Variants in SYNE2 observed in about 807,000 individuals in gnomAD.
The protein encoded by SYNE2 is nesprin-2.
A neutral mutation model predicts 856.3 loss-of-function variants in SYNE2; 431 were observed. The observed-to-expected ratio is 0.50, with a 90% confidence interval of 0.47 to 0.55. The LOEUF is 0.55. Among genes scored for constraint, SYNE2 ranks in the 20% least tolerant of loss-of-function variants. The pLI is 0.00. For missense variants in SYNE2, 8,129 were observed against 8,023.2 expected (o/e 1.01, Z -0.50); for synonymous variants, 2,923 against 2,872.3 (o/e 1.02, Z -0.56).
At position 63,995,031 on chromosome 14, in the gene SYNE2, A is replaced by AT. The variant is rs750650701; in HGVS notation, c.2782-5dup. On this transcript the variant is annotated splice_polypyrimidine_tract_variant and intron_variant, in intron 22 of 115. Coordinates refer to ENST00000555002, the MANE Select transcript of SYNE2 (RefSeq NM_182914.3). ...TTCTCATGGTTAATATATTCCTTTGATTTTTTTTGTAGTCTCTTCATCATG... is the reference window on the plus strand; with the variant it reads ...TTCTCATGGTTAATATATTCCTTTGATTTTTTTTTGTAGTCTCTTCATCATG... 3.6e-5 allele frequency: 54 copies of AT among 1,481,956 alleles called. No homozygotes were observed. Among genetic ancestry groups the AT allele is most frequent in the Non-Finnish European group, 4.4e-5 (47 of 1,079,524 alleles). 91.8% of individuals were successfully genotyped at this position (1,481,956 alleles called of 1,614,324 possible).
At chr14:63,805,638 G>A (rs1265541921) in intron 1 of SYNE2, among the ~76,000 whole-genome samples, 1 of 89,128 alleles carries the variant, frequency 1.1e-5, no homozygotes, top group African/African-American at 3.4e-5. Flanking sequence ...GCCTTCCAAA[G>A]TGCTGATTAC....
At chr14:64,163,620 A>G in intron 89 of SYNE2, 39 bp downstream of exon 89, 2 of 1,610,880 alleles carry the variant, frequency 1.2e-6, no homozygotes, top group Non-Finnish European at 1.7e-6. Context: ...AGTCTTAGAC[A>G]TTTGCATTCC....
chr14:63,854,002 A>G (rs1891106110), intron 1 of SYNE2, among the ~76,000 whole-genome samples: 1 of 152,034 alleles, frequency 6.6e-6, no homozygotes, highest in South Asian at 2.1e-4. Flanking sequence ...CCTGTGTAGC[A>G]TTCGCGTTTG....
Position 64,220,515 on chromosome 14 carries a change from G to A in SYNE2, c.19939G>A (p.Glu6647Lys), listed in dbSNP as rs773273848. 14 of 1,614,054 alleles carry A rather than the reference G, an allele frequency of 8.7e-6. No homozygotes were observed. Among genetic ancestry groups the A allele is most frequent in the Admixed American group, 3.3e-5 (2 of 60,002 alleles). The change falls in exon 111 of 116, where the codon GAG (glutamate) becomes AAG (lysine). Residue 6647 changes from glutamate to lysine, a missense_variant. By Grantham distance (56) the Glu-to-Lys change is moderately conservative (BLOSUM62 1). Around this residue, in one of 3 missense-constraint regions of SYNE2, gnomAD observed 5,410 missense variants for 5,284.8 expected, o/e 1.02. Coordinates refer to ENST00000555002, the MANE Select transcript of SYNE2 (RefSeq NM_182914.3). Reference protein sequence around the residue: ...NVSSKEFLQTESPESTELQSR... With the variant: ...NVSSKEFLQTKSPESTELQSR... ...GAGCAGCAAGGAATTTCTGCAAACCGAGAGCCCCGAATCCACAGAGCTCCA... is the reference window on the plus strand; with the variant it reads ...GAGCAGCAAGGAATTTCTGCAAACCAAGAGCCCCGAATCCACAGAGCTCCA...
chr14:63,803,187 C>A (rs1043479710), intron 1 of SYNE2, among the ~76,000 whole-genome samples: 1 of 152,192 alleles, frequency 6.6e-6, no homozygotes, highest in Non-Finnish European at 1.5e-5. Flanking sequence ...AGACTCAGGA[C>A]CCCAGCTGGC....
rs369902621 is a variant in SYNE2, at chr14:63,881,546, TTG to T, written c.-51-27546_-51-27545del. 1.7e-4 allele frequency among the ~76,000 whole-genome samples: 25 copies of T among 150,834 alleles called. No homozygotes were observed. In the East Asian group the frequency reaches 3.1e-3, roughly 19 times the overall value. On this transcript the variant is annotated intron_variant, in intron 1 of 115. Transcript: ENST00000555002. ...AGTTAGAGTTATAATACAGATTAAT[TTG>T]TGTGTCATATATTTTTATATATACT...
chr14:63,980,848 G>C, intron 15 of SYNE2, 116 bp downstream of exon 15: 2 of 1,084,336 alleles, frequency 1.8e-6, no homozygotes, highest in Non-Finnish European at 2.7e-6. Flanking sequence ...GTTTTCCTGG[G>C]AAAATTCTTG....
intron 97 of SYNE2, among the ~76,000 whole-genome samples, chr14:64,187,085 A>G (rs2098495451): frequency 6.6e-6 from 1 of 152,250 alleles, no homozygotes; most frequent in Non-Finnish European, 1.5e-5. Context: ...GAAATGATCA[A>G]CTGCTATGTT....
intron 1 of SYNE2, among the ~76,000 whole-genome samples, chr14:63,906,188 C>G (rs888790014): frequency 6.6e-6 from 1 of 152,114 alleles, no homozygotes; most frequent in Admixed American, 6.6e-5. Context: ...TTTTTATGTG[C>G]TGCTGGATTC....
At chr14:64,047,413 G>A (rs2097194160) in intron 45 of SYNE2, among the ~76,000 whole-genome samples, 1 of 152,164 alleles carries the variant, frequency 6.6e-6, no homozygotes, top group South Asian at 2.1e-4. Flanking sequence ...GAAGGGTGGG[G>A]ATCAATCAGA....
In SYNE2 at chr14:64,113,534, T is replaced by C. The variant is rs1244716648; in HGVS notation, c.12803T>C (p.Met4268Thr). 4 of 1,612,820 alleles carry C rather than the reference T, an allele frequency of 2.5e-6. No individual in the cohort carries two copies. The highest frequency in any genetic ancestry group is 2.2e-5 in the East Asian group (1 of 44,816). ...AVEPETLNADMQQVLEQQLVG... is the reference protein window; with the variant it reads ...AVEPETLNADTQQVLEQQLVG... ...GAGCCGGAAACATTAAACGCAGACA[T>C]GCAGCAGGTGCTGGAACAGCAGCTG... Residue 4268 changes from methionine (M) to threonine (T), a missense_variant, in exon 66 of 116, where the codon ATG becomes ACG. By Grantham distance (81) the Met-to-Thr change is moderately conservative. Transcript: ENST00000555002.
intron 11 of SYNE2, 97 bp from the exon 12 acceptor site, chr14:63,976,466 C>A: frequency 7.5e-7 from 1 of 1,326,822 alleles, no homozygotes; most frequent in Middle Eastern, 2.1e-4. Context: ...ACTTGGCTTC[C>A]AGAGAAACTT....
chr14:63,914,900 C>T (rs2095516474), intron 2 of SYNE2, among the ~76,000 whole-genome samples: 1 of 152,164 alleles, frequency 6.6e-6, no homozygotes, highest in Non-Finnish European at 1.5e-5. Flanking sequence ...GTCTTAGCCA[C>T]CTGAGTAGCT....
chr14:63,876,343 G>A (rs1422628599), intron 1 of SYNE2, among the ~76,000 whole-genome samples: 2 of 151,838 alleles, frequency 1.3e-5, no homozygotes, highest in Non-Finnish European at 2.9e-5. Flanking sequence ...GTTCAAGGCT[G>A]TAGTAAGCTA....
chr14:64,166,374 T>C (rs1030368328), intron 90 of SYNE2, among the ~76,000 whole-genome samples: 2 of 152,248 alleles, frequency 1.3e-5, no homozygotes, highest in East Asian at 1.9e-4. Context: ...CCTAGAATAT[T>C]ACAGCAGAGT....
chr14:63,961,772 T>G (rs1019719346), intron 9 of SYNE2, 147 bp downstream of exon 9: 1 of 695,522 alleles, frequency 1.4e-6, no homozygotes, highest in African/African-American at 1.8e-5. Context: ...TCAATCATGA[T>G]GTAAAACATT....
intron 1 of SYNE2, among the ~76,000 whole-genome samples, chr14:63,898,107 C>G (rs557543104): frequency 1.3e-5 from 2 of 152,150 alleles, no homozygotes; most frequent in Admixed American, 6.5e-5. Context: ...GTATGCAAAC[C>G]GTAATCATTC....
intron 1 of SYNE2, among the ~76,000 whole-genome samples, chr14:63,898,864 A>G (rs923089565): frequency 6.6e-6 from 1 of 152,250 alleles, no homozygotes; most frequent in Non-Finnish European, 1.5e-5. Context: ...TGTTCAATAT[A>G]CATATAACAT....
chr14:64,087,547 C>T (rs1218434797), intron 57 of SYNE2, 124 bp from the exon 58 acceptor site: 5 of 1,032,504 alleles, frequency 4.8e-6, no homozygotes, highest in East Asian at 4.8e-5. Context: ...TTTTCATTAT[C>T]GAACTAGAAA....
Sources: allele counts gnomAD v4.1 joint callset (sites outside exome capture counted in the v4.1 genomes callset), GRCh38; gene constraint gnomAD v4.1.1; regional missense constraint gnomAD v4.1.1; transcripts MANE v1.5; gene names NCBI Gene and HGNC (gene_info 2026-07-23, HGNC 2026-07-21).